RALGAPA2: variants seen among roughly 807,000 people sequenced by gnomAD.
RALGAPA2 encodes ral GTPase-activating protein subunit alpha-2.
In RALGAPA2, 139 loss-of-function variants were observed where a neutral mutation model predicts 230.4. The observed-to-expected ratio is 0.60, with a 90% CI of 0.53 to 0.69. The LOEUF (loss-of-function observed/expected upper bound fraction) is 0.69. Ranked by LOEUF, RALGAPA2 falls within the 30% of genes least tolerant of loss-of-function variation. The probability of loss-of-function intolerance (pLI) is 0.00; values close to 1 mark genes in which losing one functional copy is unlikely to be tolerated. For synonymous variants in RALGAPA2, 847 were observed against 837.8 expected (o/e 1.01, Z -0.19); for missense variants, 2,163 against 2,276.0 (o/e 0.95, Z 1.01).
At chr20:20,625,553 A>C (rs1429421230) in intron 10 of RALGAPA2, among the ~76,000 whole-genome samples, 1 of 152,242 alleles carries the variant, frequency 6.6e-6, no homozygotes, top group African/African-American at 2.4e-5. Context: ...ACTTTACCAA[A>C]GGATATATGC....
At chr20:20,612,405 T>C (rs1285928999) in intron 13 of RALGAPA2, among the ~76,000 whole-genome samples, 2 of 152,220 alleles carry the variant, frequency 1.3e-5, no homozygotes, top group East Asian at 1.9e-4. Context: ...AAACTGAGAA[T>C]AGGACAAAGT....
rs183448300 is a variant in RALGAPA2 at position 20,633,102 on chromosome 20, C to T, written c.1005+2316G>A. Among the ~76,000 whole-genome samples the T allele has an allele frequency of 3.6e-3, 526 of 147,316 alleles. 4 individuals are homozygous for T. Among genetic ancestry groups the T allele is most frequent in the African/African-American group, 0.012 (494 of 39,724 alleles). On this transcript the variant is annotated intron_variant, in intron 9 of 39. Transcript: ENST00000202677. The stretch of plus-strand genomic sequence containing the variant: ...CTTTCCTCCTTTCCTTCCTCCCTCC[C>T]TTCTCTTTCTTTCTCTCTCTTTCTT...
intron 37 of RALGAPA2, among the ~76,000 whole-genome samples, chr20:20,416,523 G>C (rs1355121682): frequency 6.6e-6 from 1 of 152,208 alleles, no homozygotes; most frequent in Non-Finnish European, 1.5e-5. Flanking sequence ...TTAAGTTCAA[G>C]ATCATGTGTG....
At chr20:20,657,367 G>A (rs1001528879) in intron 3 of RALGAPA2, among the ~76,000 whole-genome samples, 3 of 152,232 alleles carry the variant, frequency 2.0e-5, no homozygotes, top group African/African-American at 4.8e-5. Flanking sequence ...ATGGAAAGCC[G>A]AAGGTGTGAA....
At chr20:20,394,736 C>T (rs918931748) in intron 39 of RALGAPA2, among the ~76,000 whole-genome samples, 2 of 151,906 alleles carry the variant, frequency 1.3e-5, no homozygotes, top group Non-Finnish European at 2.9e-5. Context: ...TAGATTGTTA[C>T]AAGGCATCTC....
At chr20:20,701,395 T>A (rs779817219) in intron 1 of RALGAPA2, among the ~76,000 whole-genome samples, 1 of 152,244 alleles carries the variant, frequency 6.6e-6, no homozygotes. Flanking sequence ...AGGTTCTCTA[T>A]GCACTTATCA....
intron 33 of RALGAPA2, among the ~76,000 whole-genome samples, chr20:20,510,357 CAT>C (rs1232127958): frequency 6.6e-6 from 1 of 152,098 alleles, no homozygotes; most frequent in Non-Finnish European, 1.5e-5. Context: ...CCTTTAAAAA[CAT>C]ATAGATCAAA....
At chr20:20,404,551 C>T (rs1281031364) in intron 38 of RALGAPA2, among the ~76,000 whole-genome samples, 1 of 152,138 alleles carries the variant, frequency 6.6e-6, no homozygotes, top group Admixed American at 6.5e-5. Context: ...GACTTGAGGG[C>T]CAGTCACGAT....
chr20:20,712,576 G>A lies in RALGAPA2; in HGVS notation c.-96C>T, dbSNP rs2069933759. The A allele has an allele frequency of 1.6e-6, 2 of 1,274,226 alleles. No individual in the cohort carries two copies. The highest frequency in any genetic ancestry group is 2.0e-6 in the Non-Finnish European group (2 of 1,008,674). 78.9% of individuals were successfully genotyped at this position (1,274,226 alleles called of 1,614,324 possible). The stretch of plus-strand genomic sequence containing the variant: ...GTCGAGGCCGGCGCGTGTCGCGCGG[G>A]CCACTCGCCGCCCCCAGCCCCGCTG... On this transcript the variant is annotated 5_prime_UTR_variant, in exon 1 of 40. Transcript: ENST00000202677. The surrounding 1 kb of genome is among the most constrained non-coding windows in gnomAD (Gnocchi z 5.5).
At chr20:20,557,337 G>A (rs1000921521) in intron 23 of RALGAPA2, among the ~76,000 whole-genome samples, 2 of 151,940 alleles carry the variant, frequency 1.3e-5, no homozygotes, top group African/African-American at 2.4e-5. Flanking sequence ...TAAAATGCAC[G>A]TACTGTGTGT....
At chr20:20,607,929 GGGTGGTGAGT>G (rs1162411035) in intron 14 of RALGAPA2, among the ~76,000 whole-genome samples, 1 of 152,092 alleles carries the variant, frequency 6.6e-6, no homozygotes, top group East Asian at 1.9e-4. Context: ...AAATACAGTT[GGGTGGTGAGT>G]GGTGGCACCT....
intron 3 of RALGAPA2, among the ~76,000 whole-genome samples, chr20:20,664,877 G>A (rs2067907713): frequency 6.6e-6 from 1 of 152,146 alleles, no homozygotes; most frequent in Admixed American, 6.5e-5. Context: ...TGGCCACCCT[G>A]TCAAATTCAT....
chr20:20,465,892 C>G (rs2061410953), intron 37 of RALGAPA2, among the ~76,000 whole-genome samples: 1 of 152,232 alleles, frequency 6.6e-6, no homozygotes, highest in South Asian at 2.1e-4. Context: ...AGGCCTAACT[C>G]CACAGTTAGG....
Position 20,488,922 on chromosome 20 carries a change from C to T in RALGAPA2, c.5367+6195G>A, listed in dbSNP as rs1013356599. On this transcript the variant is annotated intron_variant, in intron 36 of 39. Transcript: ENST00000202677. Reference sequence around the variant, plus strand: ...TGACTGAATGAAGCACTCCTGTTCCCAAGGGACTAATTGCTGGGCATTAAC... The same window carrying T: ...TGACTGAATGAAGCACTCCTGTTCCTAAGGGACTAATTGCTGGGCATTAAC... Among the ~76,000 whole-genome samples, 4 of 152,176 alleles carry T rather than the reference C, an allele frequency of 2.6e-5. No homozygotes were observed. In the South Asian group the frequency reaches 8.3e-4, roughly 32 times the overall value.
chr20:20,603,850 A>G (rs1408883434), intron 15 of RALGAPA2, among the ~76,000 whole-genome samples: 1 of 152,224 alleles, frequency 6.6e-6, no homozygotes, highest in Non-Finnish European at 1.5e-5. Context: ...AAGCACACTG[A>G]TACTGTCTAT....
At chr20:20,581,354 C>A (rs564314092) in intron 20 of RALGAPA2, among the ~76,000 whole-genome samples, 2 of 152,166 alleles carry the variant, frequency 1.3e-5, no homozygotes, top group Non-Finnish European at 2.9e-5. Flanking sequence ...TTGCCTCCTA[C>A]AGTACCACAA....
rs2123398791 is a variant in RALGAPA2 at position 20,472,938 on chromosome 20, G to C, written c.5386C>G (p.Leu1796Val). The change falls in exon 37 of 40, where the codon CTG becomes GTG. Residue 1796 changes from leucine to valine, a missense_variant. Coordinates refer to ENST00000202677, the MANE Select transcript of RALGAPA2 (RefSeq NM_020343.4). ...KKPEVPFFGP[L>V]FDGAIVSGKL... ...CCACTCACTATGGCTCCATCAAACA[G>C]AGGCCCAAAAAATGGAACCTGTTGA... The C allele has an allele frequency of 1.9e-6, 3 of 1,596,700 alleles. No homozygotes were observed. The highest frequency in any genetic ancestry group is 1.4e-5 in the African/African-American group (1 of 73,802).
chr20:20,667,509 A>G (rs1229239734), intron 3 of RALGAPA2, among the ~76,000 whole-genome samples: 1 of 152,192 alleles, frequency 6.6e-6, no homozygotes, highest in African/African-American at 2.4e-5. Context: ...AATAAATCGC[A>G]AGCAATCAAA....
chr20:20,633,037 CTTT>C (rs1186741660), intron 9 of RALGAPA2, among the ~76,000 whole-genome samples: 1 of 149,198 alleles, frequency 6.7e-6, no homozygotes, highest in Non-Finnish European at 1.5e-5. Context: ...TTCTTTCTTT[CTTT>C]TTCTTTCCTT....
Sources: allele counts gnomAD v4.1 joint callset (sites outside exome capture counted in the v4.1 genomes callset), GRCh38; gene constraint gnomAD v4.1.1; non-coding constraint Gnocchi (gnomAD v3.1); transcripts MANE v1.5; gene names NCBI Gene and HGNC (gene_info 2026-07-23, HGNC 2026-07-21).